G3BP1: variants seen among roughly 807,000 people sequenced by gnomAD.
The protein encoded by G3BP1 is ras GTPase-activating protein-binding protein 1.
Under a neutral mutation model 58.6 loss-of-function variants are expected in G3BP1, and 35 were observed. That is an observed-to-expected ratio of 0.60 (90% CI 0.46 to 0.79). G3BP1 has a LOEUF of 0.79. Among genes scored for constraint, G3BP1 ranks in the 30% least tolerant of loss-of-function variants. The pLI is 0.00. For synonymous variants in G3BP1, 191 were observed against 195.4 expected, an observed-to-expected ratio of 0.98 and a Z score of 0.19; for missense variants, 523 against 580.8, an observed-to-expected ratio of 0.90 and a Z score of 1.02.
At chr5:151,794,085 T>A (rs1244191807) in intron 4 of G3BP1, 74 bp from the exon 5 acceptor site, 3 of 858,200 alleles carry the variant, frequency 3.5e-6, no homozygotes, top group South Asian at 2.8e-5. Flanking sequence ...CTTGTCCCAG[T>A]CACCAATGGT....
rs1295169561 is a variant in G3BP1, at chr5:151,808,040, G to A, written c.*3949G>A. The A allele has an allele frequency of 6.6e-6, 1 of 152,136 alleles. No individual in the cohort carries two copies. The highest frequency in any genetic ancestry group is 1.5e-5 in the Non-Finnish European group (1 of 68,012). 9.4% of individuals were successfully genotyped at this position (152,136 alleles called of 1,614,324 possible). A position where few individuals can be genotyped will look rare whatever the true frequency, so the allele number is the denominator to read the frequency against. ...ATCAGGTTTTAGCTAACTGCCTAAT[G>A]TACCAAAAAAAAATTAGCAATGTCT... On this transcript the variant is annotated 3_prime_UTR_variant, in exon 12 of 12. Coordinates refer to ENST00000356245, the MANE Select transcript of G3BP1 (RefSeq NM_005754.3).
chr5:151,804,225 T>C lies in G3BP1; in HGVS notation c.*134T>C. ...TTAAGTTTGTATAATTTTACTTTTT[T>C]TGTGTGTTAATGGTGTGTGCTCCCT... On this transcript the variant is annotated 3_prime_UTR_variant, in exon 12 of 12. Transcript: ENST00000356245. 3.5e-6 allele frequency: 2 copies of C among 574,030 alleles called. No homozygotes were observed. The highest frequency in any genetic ancestry group is 6.2e-5 in the East Asian group (2 of 32,020). 35.6% of individuals were successfully genotyped at this position (574,030 alleles called of 1,614,324 possible).
At chr5:151,778,696 C>T (rs1007593043) in intron 1 of G3BP1, among the ~76,000 whole-genome samples, 3 of 151,558 alleles carry the variant, frequency 2.0e-5, no homozygotes, top group African/African-American at 7.3e-5. Flanking sequence ...CCCTCCTCGG[C>T]CTCCCAAAGT....
chr5:151,791,290 C>A (rs371374405), intron 4 of G3BP1: 42 of 386,532 alleles, frequency 1.1e-4, no homozygotes, highest in African/African-American at 7.8e-4. Context: ...AAGAATAATT[C>A]TCTTCCATTC....
rs55893134 is a variant in G3BP1 at position 151,804,050 on chromosome 5, C to T, written c.1360C>T (p.Pro454Ser). 1.2e-5 allele frequency: 20 copies of T among 1,612,638 alleles called. No homozygotes were observed. In the South Asian group the frequency reaches 2.2e-4, roughly 18 times the overall value. ...GPPRGGMVQK[P>S]GFGVGRGLAP... ...TCCCCGTGGAGGCATGGTGCAGAAA[C>T]CAGGATTTGGAGTGGGAAGGGGGCT... The change falls in exon 12 of 12, where the codon CCA becomes TCA. Residue 454 changes from proline to serine, a missense_variant. Pro to Ser is a moderately conservative substitution (Grantham distance 74). Coordinates refer to ENST00000356245, the MANE Select transcript of G3BP1 (RefSeq NM_005754.3).
At chr5:151,786,469 TATG>T in intron 1 of G3BP1, 100 bp from the exon 2 acceptor site, 1 of 649,610 alleles carries the variant, frequency 1.5e-6, no homozygotes, top group South Asian at 1.8e-5. Context: ...TGTTTGTTTT[TATG>T]ATGTTTGTTC....
intron 11 of G3BP1, among the ~76,000 whole-genome samples, chr5:151,802,506 G>A (rs1762871655): frequency 6.6e-6 from 1 of 152,192 alleles, no homozygotes; most frequent in African/African-American, 2.4e-5. Context: ...GCCTTGGTTT[G>A]TATTCTCCTT....
chr5:151,780,596 TC>T (rs1270402348), intron 1 of G3BP1, among the ~76,000 whole-genome samples: 1 of 152,190 alleles, frequency 6.6e-6, no homozygotes, highest in African/African-American at 2.4e-5. Flanking sequence ...TTGCAAGAGC[TC>T]CGCCTCCCGG....
intron 2 of G3BP1, among the ~76,000 whole-genome samples, chr5:151,788,608 GTGTGTA>G (rs1328623643): frequency 2.7e-5 from 4 of 149,412 alleles, no homozygotes; most frequent in Middle Eastern, 3.5e-3. Flanking sequence ...GTGTGTGTGT[GTGTGTA>G]TTATTTATTT....
intron 1 of G3BP1, among the ~76,000 whole-genome samples, chr5:151,784,733 CAT>C (rs1417431322): frequency 6.6e-6 from 1 of 151,802 alleles, no homozygotes; most frequent in Non-Finnish European, 1.5e-5. Context: ...CATATTTAGT[CAT>C]GTGGAATTTA....
intron 11 of G3BP1, 140 bp downstream of exon 11, chr5:151,801,009 A>G: frequency 5.4e-6 from 3 of 556,900 alleles, no homozygotes; most frequent in South Asian, 2.6e-5. Flanking sequence ...ATTATTTTCA[A>G]CCATTATTAA....
rs113024577 is a variant in G3BP1 at position 151,787,929 on chromosome 5, G to A, written c.95+1214G>A. 7.8e-3 allele frequency: 1,350 copies of A among 173,872 alleles called. 4 individuals are homozygous for A. Among genetic ancestry groups the A allele is most frequent in the Non-Finnish European group, 0.011 (903 of 80,102 alleles). The allele number at this position is 173,872 out of a possible 1,614,324, so 10.8% of individuals were successfully genotyped here. A position where few individuals can be genotyped will look rare whatever the true frequency, so the allele number is the denominator to read the frequency against. ...TGTGTGTGTGCATGTGTGTGTGTGT[G>A]TGAGAGAGAGAGAGAGAGTTAAGTC... On this transcript the variant is annotated intron_variant, in intron 2 of 11. Transcript: ENST00000356245.
rs962638575 is a variant in G3BP1, at chr5:151,810,505, T to C, written c.*6414T>C. The C allele has an allele frequency of 6.6e-6, 1 of 152,252 alleles. No individual in the cohort carries two copies. Among genetic ancestry groups the C allele is most frequent in the Non-Finnish European group, 1.5e-5 (1 of 68,054 alleles). 9.4% of individuals were successfully genotyped at this position (152,252 alleles called of 1,614,324 possible). A position where few individuals can be genotyped will look rare whatever the true frequency, so the allele number is the denominator to read the frequency against. Reference sequence around the variant, plus strand: ...CTTGTTTGAGGTCCTGTTCCAACCTTCATTTCTGAAACTGTTCTAGAGCAC... The same window carrying C: ...CTTGTTTGAGGTCCTGTTCCAACCTCCATTTCTGAAACTGTTCTAGAGCAC... On this transcript the variant is annotated 3_prime_UTR_variant, in exon 12 of 12. Coordinates refer to ENST00000356245, the MANE Select transcript of G3BP1 (RefSeq NM_005754.3).
chr5:151,790,503 G>C, intron 3 of G3BP1, 99 bp downstream of exon 3: 1 of 570,436 alleles, frequency 1.8e-6, no homozygotes, highest in Non-Finnish European at 3.0e-6. Flanking sequence ...TAAAGATCCA[G>C]TTTCTCAACT....
Position 151,804,165 on chromosome 5 carries a change from A to G in G3BP1, c.*74A>G. On this transcript the variant is annotated 3_prime_UTR_variant, in exon 12 of 12. Coordinates refer to ENST00000356245, the MANE Select transcript of G3BP1 (RefSeq NM_005754.3). ...TGGTGAATTTTCGACAGCCTTTGGT[A>G]TCTTGGAGTATGACCCCAGTCTGTT... 4 of 1,062,260 alleles carry G rather than the reference A, an allele frequency of 3.8e-6. No homozygotes were observed. The highest frequency in any genetic ancestry group is 5.6e-6 in the Non-Finnish European group (4 of 716,994). The allele number at this position is 1,062,260 out of a possible 1,614,324, so 65.8% of individuals were successfully genotyped here.
In G3BP1 at chr5:151,809,885, G is replaced by A. The variant is rs551579062; in HGVS notation, c.*5794G>A. The A allele has an allele frequency of 6.6e-6, 1 of 152,172 alleles. No individual in the cohort carries two copies. The highest frequency in any genetic ancestry group is 1.5e-5 in the Non-Finnish European group (1 of 68,030). The allele number at this position is 152,172 out of a possible 1,614,324, so 9.4% of individuals were successfully genotyped here. The stretch of plus-strand genomic sequence containing the variant: ...TAATGGCCCAGCTCTACCAGGGCTT[G>A]TTGTCTAAGGACATTAACTTGTGCT... On this transcript the variant is annotated 3_prime_UTR_variant, in exon 12 of 12. Transcript: ENST00000356245.
At chr5:151,801,336 C>T (rs900937808) in intron 11 of G3BP1, among the ~76,000 whole-genome samples, 2 of 152,160 alleles carry the variant, frequency 1.3e-5, no homozygotes, top group African/African-American at 2.4e-5. Flanking sequence ...CTACTTGGAA[C>T]CATCCTTACT....
intron 1 of G3BP1, among the ~76,000 whole-genome samples, chr5:151,784,995 C>T (rs1762534158): frequency 1.3e-5 from 2 of 152,164 alleles, no homozygotes; most frequent in African/African-American, 4.8e-5. Context: ...TTGACAGTCT[C>T]AACTCAAAGT....
At chr5:151,797,541 G>A in intron 7 of G3BP1, 113 bp downstream of exon 7, 1 of 1,147,614 alleles carries the variant, frequency 8.7e-7, no homozygotes, top group Non-Finnish European at 1.2e-6. Flanking sequence ...CATATTGGTG[G>A]TTCATTTCAG....
Sources: gnomAD v4.1 joint callset for allele counts (sites outside exome capture counted in the v4.1 genomes callset) on GRCh38, gnomAD v4.1.1 for gene constraint, MANE v1.5 for transcripts, NCBI Gene and HGNC (gene_info 2026-07-23, HGNC 2026-07-21) for gene names.